Variants in MAU2 observed in about 807,000 individuals in gnomAD.
MAU2 encodes MAU2 chromatid cohesion factor homolog.
A neutral mutation model predicts 89.1 loss-of-function variants in MAU2; 9 were observed. The ratio of observed to expected loss-of-function variants is 0.10; its 90% CI spans 0.06 to 0.18. The LOEUF is 0.18. Among genes scored for constraint, MAU2 ranks in the 10% least tolerant of loss-of-function variants. The pLI, the probability that MAU2 is intolerant of heterozygous loss-of-function variation, is 1.00. For missense variants in MAU2, 425 were observed against 803.5 expected, an observed-to-expected ratio of 0.53 and a Z score of 5.69; for synonymous variants, 357 against 343.4, an observed-to-expected ratio of 1.04 and a Z score of -0.44.
In MAU2 at chr19:19,338,855, C is replaced by T. The variant is rs2061617486; in HGVS notation, c.467C>T (p.Thr156Met). The T allele has an allele frequency of 6.2e-7, 1 of 1,613,100 alleles. No individual in the cohort carries two copies. Among genetic ancestry groups the T allele is most frequent in the Non-Finnish European group, 8.5e-7 (1 of 1,179,596 alleles). ...CTCTTTCCTTTTTAGCAACTGCACA[C>T]GCTTGAGAAGGACCTGGTGTCGGCC... ...RLLFQLAQLH[T>M]LEKDLVSACD... The change falls in exon 5 of 19, where the codon ACG (threonine) becomes ATG (methionine). Residue 156 changes from threonine to methionine, a missense_variant. Transcript: ENST00000262815.
rs1000927826 is a variant in MAU2, at chr19:19,356,926, G to T, written c.*1144G>T. 1 of 152,242 alleles carries T rather than the reference G, an allele frequency of 6.6e-6. No homozygotes were observed. Among genetic ancestry groups the T allele is most frequent in the South Asian group, 2.1e-4 (1 of 4,830 alleles). 9.4% of individuals were successfully genotyped at this position (152,242 alleles called of 1,614,324 possible). On this transcript the variant is annotated 3_prime_UTR_variant, in exon 19 of 19. Transcript: ENST00000262815. Reference sequence around the variant, plus strand: ...TGGGGCGGGTGGTCGGGTCAAGATAGCAGCAGCAGGTGTCAGGGCTCAAGA... The same window carrying T: ...TGGGGCGGGTGGTCGGGTCAAGATATCAGCAGCAGGTGTCAGGGCTCAAGA...
intron 1 of MAU2, chr19:19,322,013 T>TTTTTTTTTTTTTTTTC (rs1286757776): frequency 1.3e-5 from 2 of 151,784 alleles, no homozygotes; most frequent in African/African-American, 4.9e-5. Context: ...TTTTTTTTTT[T>TTTTTTTTTTTTTTTTC]TTGAGACGGA....
chr19:19,340,994 C>T, intron 6 of MAU2, 121 bp downstream of exon 6: 1 of 1,353,740 alleles, frequency 7.4e-7, no homozygotes, highest in Non-Finnish European at 1.0e-6. Flanking sequence ...CGCCCAGACC[C>T]TTAGGCACAG....
intron 1 of MAU2, among the ~76,000 whole-genome samples, chr19:19,324,502 C>T (rs1397491127): frequency 6.6e-6 from 1 of 152,192 alleles, no homozygotes; most frequent in African/African-American, 2.4e-5. Flanking sequence ...CCTGCCTTCC[C>T]TTGTCTCCCA....
chr19:19,345,599 C>T lies in MAU2; in HGVS notation c.1221+230C>T, dbSNP rs1212607851. Among the ~76,000 whole-genome samples the T allele has an allele frequency of 2.0e-5, 3 of 152,188 alleles. No individual in the cohort carries two copies. Among genetic ancestry groups the T allele is most frequent in the South Asian group, 4.1e-4 (2 of 4,830 alleles). On this transcript the variant is annotated intron_variant, in intron 12 of 18. Coordinates refer to ENST00000262815, the MANE Select transcript of MAU2 (RefSeq NM_015329.4). The surrounding 1 kb of genome is among the most constrained non-coding windows in gnomAD (Gnocchi z 4.9). ...CTTCCTGAGCTGACCCAAGGGCAGA[C>T]GTGAGGGAGAGGTGCGACGCGTCCG... is the stretch of plus-strand genomic sequence containing the variant.
At chr19:19,343,073 T>C (rs2061665642) in intron 9 of MAU2, among the ~76,000 whole-genome samples, 1 of 152,206 alleles carries the variant, frequency 6.6e-6, no homozygotes, top group Non-Finnish European at 1.5e-5. Context: ...GGTACCTCCC[T>C]GACTGGTCAG....
intron 17 of MAU2, 187 bp from the exon 18 acceptor site, chr19:19,355,077 C>T (rs963865699): frequency 2.7e-5 from 19 of 706,972 alleles, no homozygotes; most frequent in Middle Eastern, 4.1e-4. Flanking sequence ...CCTGTTCTGC[C>T]CTATGAGGGC....
At chr19:19,327,488 G>A (rs1338663406) in intron 1 of MAU2, among the ~76,000 whole-genome samples, 1 of 152,036 alleles carries the variant, frequency 6.6e-6, no homozygotes, top group Admixed American at 6.5e-5. Context: ...ACCACGCCCG[G>A]CTAATTTTTT....
At position 19,320,904 on chromosome 19, in the gene MAU2, G is replaced by C; in HGVS notation, c.45G>C (p.Gln15His). ...CAGCGGCCCAGGCGGCGGCGGCCCA[G>C]GCTGCGCAGGCCGAGGCGGCCGACT... ...AAAAAQAAAA[Q>H]AAQAEAADSW... The change falls in exon 1 of 19, where the codon CAG becomes CAC. Residue 15 changes from glutamine to histidine, a missense_variant. Around this residue, in one of 11 missense-constraint regions of MAU2, gnomAD observed 61 missense variants for 40.1 expected, o/e 1.52. Coordinates refer to ENST00000262815, the MANE Select transcript of MAU2 (RefSeq NM_015329.4). The C allele has an allele frequency of 1.3e-6, 2 of 1,548,158 alleles. No individual in the cohort carries two copies. Among genetic ancestry groups the C allele is most frequent in the Non-Finnish European group, 1.7e-6 (2 of 1,148,804 alleles).
intron 13 of MAU2, chr19:19,348,400 C>T (rs867065465): frequency 1.8e-4 from 38 of 208,942 alleles, no homozygotes; most frequent in African/African-American, 8.3e-4. Context: ...CTTAGTCATC[C>T]GATGCCATAC....
chr19:19,328,478 G>A (rs1243566314), intron 1 of MAU2, among the ~76,000 whole-genome samples: 2 of 150,652 alleles, frequency 1.3e-5, no homozygotes, highest in African/African-American at 4.9e-5. Context: ...TTGGAGTGCA[G>A]TGGCGTGATC....
intron 16 of MAU2, 69 bp downstream of exon 16, chr19:19,349,505 A>C: frequency 7.3e-7 from 1 of 1,363,808 alleles, no homozygotes; most frequent in Non-Finnish European, 1.0e-6. Context: ...GGAGCCGGCC[A>C]GCACCCTAAG....
At chr19:19,328,159 CAAAA>C (rs946417731) in intron 1 of MAU2, among the ~76,000 whole-genome samples, 2 of 89,112 alleles carry the variant, frequency 2.2e-5, no homozygotes, top group African/African-American at 4.1e-5. Flanking sequence ...GACCCTGTCT[CAAAA>C]AAAAAAAAAA....
At chr19:19,339,861 TA>T in intron 5 of MAU2, among the ~76,000 whole-genome samples, 1 of 151,636 alleles carries the variant, frequency 6.6e-6, no homozygotes, top group African/African-American at 2.4e-5. Flanking sequence ...CCGTCTCTAC[TA>T]AAAATATAAA....
At chr19:19,339,572 A>T (rs1427519791) in intron 5 of MAU2, 1 of 149,992 alleles carries the variant, frequency 6.7e-6, no homozygotes, top group Non-Finnish European at 1.5e-5. Context: ...TTTTTTGTAG[A>T]GATAGGGTCT....
chr19:19,354,491 C>T, intron 17 of MAU2, 46 bp downstream of exon 17: 1 of 1,533,482 alleles, frequency 6.5e-7, no homozygotes, highest in South Asian at 1.1e-5. Flanking sequence ...GCCTGGCCCT[C>T]CCCAGAGATC....
chr19:19,327,301 GTATTTATTTATTTATTTATTTATTTATT>G (rs147425412), intron 1 of MAU2, among the ~76,000 whole-genome samples: 7 of 142,290 alleles, frequency 4.9e-5, no homozygotes, highest in Non-Finnish European at 9.1e-5. Flanking sequence ...TTTTCTACTT[GTATTTATTTATTTATTTATTTATTTATT>G]TATTTATTTA....
At chr19:19,348,691 A>C in intron 13 of MAU2, 198 bp from the exon 14 acceptor site, 1 of 674,092 alleles carries the variant, frequency 1.5e-6, no homozygotes, top group South Asian at 1.7e-5. Flanking sequence ...TGGCACAGGC[A>C]GGGCTGGCTG....
chr19:19,345,691 A>G lies in MAU2; in HGVS notation c.1221+322A>G, dbSNP rs1341393610. ...CCACCCCCAAGGCTGGATTGGCTCA[A>G]GTGTCAGCTGACAACTCAGAGCCAT... On this transcript the variant is annotated intron_variant, in intron 12 of 18. Coordinates refer to ENST00000262815, the MANE Select transcript of MAU2 (RefSeq NM_015329.4). The surrounding 1 kb of genome is among the most constrained non-coding windows in gnomAD (Gnocchi z 4.9). Among the ~76,000 whole-genome samples the G allele has an allele frequency of 6.6e-6, 1 of 152,136 alleles. No individual in the cohort carries two copies. The highest frequency in any genetic ancestry group is 1.9e-4 in the East Asian group (1 of 5,188).
Sources: allele counts gnomAD v4.1 joint callset (sites outside exome capture counted in the v4.1 genomes callset), GRCh38; gene constraint gnomAD v4.1.1; regional missense constraint gnomAD v4.1.1; non-coding constraint Gnocchi (gnomAD v3.1); transcripts MANE v1.5; gene names NCBI Gene and HGNC (gene_info 2026-07-23, HGNC 2026-07-21).